SCN2B: variants seen among roughly 807,000 people sequenced by gnomAD.
SCN2B encodes sodium voltage-gated channel beta subunit 2.
SCN2B carries 14 observed loss-of-function variants against 18.2 expected under a neutral mutation model. The ratio of observed to expected loss-of-function variants is 0.77; its 90% CI spans 0.51 to 1.21. The LOEUF (loss-of-function observed/expected upper bound fraction) is 1.21. Among genes scored for constraint, SCN2B ranks in the 50% most tolerant of loss-of-function variants. SCN2B has a pLI of 0.00. For synonymous variants in SCN2B, 115 were observed against 115.3 expected (o/e 1.00, Z 0.02); for missense variants, 262 against 286.9 (o/e 0.91, Z 0.63).
In SCN2B at chr11:118,166,387, C is replaced by T. The variant is rs772157940; in HGVS notation, c.*500G>A. 6 of 181,972 alleles carry T rather than the reference C, an allele frequency of 3.3e-5. No homozygotes were observed. Among genetic ancestry groups the T allele is most frequent in the Admixed American group, 5.4e-5 (1 of 18,418 alleles). The allele number at this position is 181,972 out of a possible 1,614,324, so 11.3% of individuals were successfully genotyped here. On this transcript the variant is annotated 3_prime_UTR_variant, in exon 4 of 4. Coordinates refer to ENST00000278947, the MANE Select transcript of SCN2B (RefSeq NM_004588.5). ...GCCCCTCCAAGTTTCAGGAACTCAT[C>T]GTCACCTCCAGCCTGATGGCTGCTC...
In SCN2B at chr11:118,163,810, A is replaced by G. The variant is rs193069758; in HGVS notation, c.*3077T>C. On this transcript the variant is annotated 3_prime_UTR_variant, in exon 4 of 4. Coordinates refer to ENST00000278947, the MANE Select transcript of SCN2B (RefSeq NM_004588.5). ...GTAGGAAGAGGAAGAACTTGTCAGC[A>G]TAAGTTAGGAAACAGGGTAGGGAAA... is the stretch of plus-strand genomic sequence containing the variant. The G allele has an allele frequency of 2.0e-5, 3 of 152,426 alleles. No homozygotes were observed. The highest frequency in any genetic ancestry group is 3.9e-4 in the East Asian group (2 of 5,184). The allele number at this position is 152,426 out of a possible 1,614,324, so 9.4% of individuals were successfully genotyped here. A position where few individuals can be genotyped will look rare whatever the true frequency, so the allele number is the denominator to read the frequency against.
chr11:118,164,149 C>A lies in SCN2B; in HGVS notation c.*2738G>T, dbSNP rs1318982043. Reference sequence around the variant, plus strand: ...TGGAGAGTTAGAACTTCTTAGAATACACTAGGAAAGCCCGCAAATAATTCC... The same window carrying A: ...TGGAGAGTTAGAACTTCTTAGAATAAACTAGGAAAGCCCGCAAATAATTCC... On this transcript the variant is annotated 3_prime_UTR_variant, in exon 4 of 4. Coordinates refer to ENST00000278947, the MANE Select transcript of SCN2B (RefSeq NM_004588.5). The A allele has an allele frequency of 2.6e-5, 4 of 152,222 alleles. No individual in the cohort carries two copies. Among genetic ancestry groups the A allele is most frequent in the African/African-American group, 9.7e-5 (4 of 41,442 alleles). 9.4% of individuals were successfully genotyped at this position (152,222 alleles called of 1,614,324 possible). A position where few individuals can be genotyped will look rare whatever the true frequency, so the allele number is the denominator to read the frequency against.
chr11:118,172,046 G>T (rs1032851496), intron 1 of SCN2B, among the ~76,000 whole-genome samples: 5 of 152,190 alleles, frequency 3.3e-5, no homozygotes, highest in Non-Finnish European at 5.9e-5. Context: ...CAGCTCTAGG[G>T]TGCTGGCCTC....
chr11:118,174,102 T>TTTTTTG (rs1565464847), intron 1 of SCN2B, among the ~76,000 whole-genome samples: 4 of 127,066 alleles, frequency 3.1e-5, no homozygotes, highest in South Asian at 5.5e-4. Context: ...TTTTTTTTTT[T>TTTTTTG]TTTTTTTTTT....
At chr11:118,172,295 A>T (rs1948436063) in intron 1 of SCN2B, among the ~76,000 whole-genome samples, 1 of 152,240 alleles carries the variant, frequency 6.6e-6, no homozygotes, top group Admixed American at 6.5e-5. Context: ...ATACTAACAA[A>T]ACCTGTTATC....
rs1236116400 is a variant in SCN2B, at chr11:118,163,818, G to A, written c.*3069C>T. 1 of 152,292 alleles carries A rather than the reference G, an allele frequency of 6.6e-6. No homozygotes were observed. Among genetic ancestry groups the A allele is most frequent in the Non-Finnish European group, 1.5e-5 (1 of 68,058 alleles). The allele number at this position is 152,292 out of a possible 1,614,324, so 9.4% of individuals were successfully genotyped here. A position where few individuals can be genotyped will look rare whatever the true frequency, so the allele number is the denominator to read the frequency against. ...AGGAAGAACTTGTCAGCATAAGTTA[G>A]GAAACAGGGTAGGGAAATGGCTGCT... On this transcript the variant is annotated 3_prime_UTR_variant, in exon 4 of 4. Transcript: ENST00000278947.
At position 118,165,563 on chromosome 11, in the gene SCN2B, G is replaced by C. The variant is rs959178866; in HGVS notation, c.*1324C>G. On this transcript the variant is annotated 3_prime_UTR_variant, in exon 4 of 4. Transcript: ENST00000278947. ...ACTATCTCAGTTCACTGCAACCTCT[G>C]CTTCCCGGGCTCAAGCGATTCTCCT... is the stretch of plus-strand genomic sequence containing the variant. The C allele has an allele frequency of 2.2e-5, 3 of 137,050 alleles. No individual in the cohort carries two copies. The highest frequency in any genetic ancestry group is 8.5e-5 in the Admixed American group (1 of 11,714). The allele number at this position is 137,050 out of a possible 1,614,324, so 8.5% of individuals were successfully genotyped here.
In SCN2B at chr11:118,176,350, T is replaced by TGA. The variant is rs72544143; in HGVS notation, c.70+11_70+12insTC. 4,283 of 1,612,468 alleles carry TGA rather than the reference T, an allele frequency of 2.7e-3. 106 individuals are homozygous for TGA. The African/African-American group carries it at 0.051, about 19-fold the overall frequency. On this transcript the variant is annotated intron_variant, in intron 1 of 3. Coordinates refer to ENST00000278947, the MANE Select transcript of SCN2B (RefSeq NM_004588.5). Reference sequence around the variant, plus strand: ...CTGAACCCTCGGGAGCATGCAGATGTGTCTAACTTACCCAAAGAGAAAAAG... The same window carrying TGA: ...CTGAACCCTCGGGAGCATGCAGATGTGAGTCTAACTTACCCAAAGAGAAAAAG...
chr11:118,172,951 C>T (rs1055571625), intron 1 of SCN2B, among the ~76,000 whole-genome samples: 12 of 151,672 alleles, frequency 7.9e-5, no homozygotes, highest in Non-Finnish European at 1.8e-4. Context: ...GCAGCCCCTG[C>T]CTCCCAGGTG....
Position 118,166,882 on chromosome 11 carries a change from A to C in SCN2B, c.*5T>G, listed in dbSNP as rs776350272. On this transcript the variant is annotated 3_prime_UTR_variant, in exon 4 of 4. Coordinates refer to ENST00000278947, the MANE Select transcript of SCN2B (RefSeq NM_004588.5). ...GACACGGGAGGCTGCAGGGCCGGCC[A>C]CCCACTACTTGGCGCCATCATCCGG... 5.0e-6 allele frequency: 8 copies of C among 1,613,622 alleles called. No individual in the cohort carries two copies. The East Asian group carries it at 1.8e-4, about 36-fold the overall frequency.
chr11:118,167,036 C>T lies in SCN2B; in HGVS notation c.499G>A (p.Gly167Arg). 1.2e-6 allele frequency: 2 copies of T among 1,613,714 alleles called. No homozygotes were observed. The highest frequency in any genetic ancestry group is 1.7e-6 in the Non-Finnish European group (2 of 1,180,042). The change falls in exon 4 of 4, where the codon GGG becomes AGG. Residue 167 changes from glycine to arginine, a missense_variant. Transcript: ENST00000278947. ...AAGATGACCACAGCCAGGAAGCCCCCGACGGAGGCACCCACAATCACGGCC... is the reference window on the plus strand; with the variant it reads ...AAGATGACCACAGCCAGGAAGCCCCTGACGGAGGCACCCACAATCACGGCC... Reference protein sequence around the residue: ...TVAVIVGASVGGFLAVVILVL... With the variant: ...TVAVIVGASVRGFLAVVILVL...
chr11:118,170,602 G>A (rs957856366), intron 1 of SCN2B, among the ~76,000 whole-genome samples: 1 of 152,108 alleles, frequency 6.6e-6, no homozygotes, highest in African/African-American at 2.4e-5. Context: ...CTGGGAGGCT[G>A]TCCAGATGAG....
chr11:118,168,134 A>C lies in SCN2B; in HGVS notation c.399T>G (p.Pro133=). The part of the protein sequence containing the change: ...GIYNCYIMNP[P]DRHRGHGKIH... ...TCTTGCCATGGCCACGGTGGCGGTC[A>C]GGGGGGTTCATGATGTAGCAGTTGT... The change falls in exon 3 of 4, where the codon CCT becomes CCG. Residue 133 remains proline, a synonymous_variant. Transcript: ENST00000278947. The surrounding 1 kb of genome is among the most constrained non-coding windows in gnomAD (Gnocchi z 4.7). The C allele has an allele frequency of 6.2e-7, 1 of 1,614,162 alleles. No individual in the cohort carries two copies.
chr11:118,173,971 G>A (rs1255476033), intron 1 of SCN2B, among the ~76,000 whole-genome samples: 2 of 151,904 alleles, frequency 1.3e-5, no homozygotes, highest in Non-Finnish European at 2.9e-5. Flanking sequence ...TGCCCACGCT[G>A]GAGTGCAGAG....
chr11:118,174,109 T>G (rs1350831861), intron 1 of SCN2B, among the ~76,000 whole-genome samples: 2 of 133,040 alleles, frequency 1.5e-5, no homozygotes, highest in South Asian at 2.6e-4. Flanking sequence ...TTTTTTTTTT[T>G]TTTTTTTTTT....
At position 118,168,459 on chromosome 11, in the gene SCN2B, A is replaced by T; in HGVS notation, c.237+126T>A. ...CACACCTTGTTTCAAGAGCCTCCAGAGCACGCAGCCCACCCAGGGTCCTCT... is the reference window on the plus strand; with the variant it reads ...CACACCTTGTTTCAAGAGCCTCCAGTGCACGCAGCCCACCCAGGGTCCTCT... On this transcript the variant is annotated intron_variant, in intron 2 of 3. Coordinates refer to ENST00000278947, the MANE Select transcript of SCN2B (RefSeq NM_004588.5). The surrounding 1 kb of genome is among the most constrained non-coding windows in gnomAD (Gnocchi z 4.7). The T allele has an allele frequency of 7.3e-7, 1 of 1,373,578 alleles. No homozygotes were observed. Among genetic ancestry groups the T allele is most frequent in the Non-Finnish European group, 1.0e-6 (1 of 963,574 alleles). The allele number at this position is 1,373,578 out of a possible 1,614,324, so 85.1% of individuals were successfully genotyped here.
intron 1 of SCN2B, among the ~76,000 whole-genome samples, chr11:118,173,617 G>A (rs561887009): frequency 1.3e-5 from 2 of 152,196 alleles, no homozygotes; most frequent in Non-Finnish European, 2.9e-5. Flanking sequence ...CTAGCACATG[G>A]CCTGGACAAA....
At chr11:118,174,091 C>CTTTTGTT (rs1555101438) in intron 1 of SCN2B, among the ~76,000 whole-genome samples, 1,281 of 66,708 alleles carry the variant, frequency 0.019, 162 homozygotes, top group African/African-American at 0.053. Context: ...TTTTTCTTTT[C>CTTTTGTT]TTTTTTTTTT....
rs1948354691 is a variant in SCN2B at position 118,163,946 on chromosome 11, G to T, written c.*2941C>A. The T allele has an allele frequency of 6.6e-6, 1 of 152,180 alleles. No individual in the cohort carries two copies. Among genetic ancestry groups the T allele is most frequent in the Admixed American group, 6.5e-5 (1 of 15,282 alleles). 9.4% of individuals were successfully genotyped at this position (152,180 alleles called of 1,614,324 possible). On this transcript the variant is annotated 3_prime_UTR_variant, in exon 4 of 4. Transcript: ENST00000278947. Reference sequence around the variant, plus strand: ...GCAGCTCTATGAGTCCTCTGGAGGAGATTCTAAGAGGCTCCAGAAGAAAAT... The same window carrying T: ...GCAGCTCTATGAGTCCTCTGGAGGATATTCTAAGAGGCTCCAGAAGAAAAT...
Sources: allele counts gnomAD v4.1 joint callset (sites outside exome capture counted in the v4.1 genomes callset), GRCh38; gene constraint gnomAD v4.1.1; non-coding constraint Gnocchi (gnomAD v3.1); transcripts MANE v1.5; gene names NCBI Gene and HGNC (gene_info 2026-07-23, HGNC 2026-07-21).